The following PLCH2 variants were observed in gnomAD, a reference collection of about 807,000 sequenced individuals.
PLCH2 encodes the protein 1-phosphatidylinositol 4,5-bisphosphate phosphodiesterase eta-2.
A neutral mutation model predicts 134.7 loss-of-function variants in PLCH2; 98 were observed. The observed-to-expected ratio is 0.73, with a 90% confidence interval of 0.62 to 0.86. PLCH2 has a LOEUF of 0.86. PLCH2 is among the 40% of genes least tolerant of loss of function. The pLI, the probability that PLCH2 is intolerant of heterozygous loss-of-function variation, is 0.00. For missense variants in PLCH2, 1,994 were observed against 1,986.6 expected, an observed-to-expected ratio of 1.00 and a Z score of -0.07; for synonymous variants, 974 against 827.5, an observed-to-expected ratio of 1.18 and a Z score of -3.04.
At chr1:2,467,179 C>A (rs1641094570), upstream of PLCH2, among the ~76,000 whole-genome samples, 1 of 150,972 alleles carries the variant, frequency 6.6e-6, no homozygotes, top group Admixed American at 6.6e-5. Flanking sequence ...AGGAGCCCTG[C>A]CGGGAGGGAG....
At chr1:2,426,918 C>T (rs544818458) in intron 1 of PLCH2, among the ~76,000 whole-genome samples, 40 of 152,296 alleles carry the variant, frequency 2.6e-4, no homozygotes, top group South Asian at 2.1e-3. Flanking sequence ...TCCCTGCATC[C>T]GCTAAGTCCA....
intron 2 of PLCH2, among the ~76,000 whole-genome samples, chr1:2,437,781 C>A (rs1639500214): frequency 6.6e-6 from 1 of 152,220 alleles, no homozygotes; most frequent in African/African-American, 2.4e-5. Context: ...GTATACCCAC[C>A]CCCACACACA....
chr1:2,434,877 C>T (rs4648843), intron 2 of PLCH2, among the ~76,000 whole-genome samples: 21,593 of 152,190 alleles, frequency 0.14, 1,736 homozygotes, highest in Admixed American at 0.16. Context: ...CGTATGTCCT[C>T]GGGCGCCCAT....
In PLCH2 at chr1:2,504,003, C is replaced by T. The variant is rs1334490177; in HGVS notation, c.3041C>T (p.Pro1014Leu). The change falls in exon 22 of 22, where the codon CCT becomes CTT. Residue 1014 changes from proline to leucine, a missense_variant. Physicochemically the swap from Pro to Leu is moderately conservative, Grantham distance 98. Around this residue, in one of 2 missense-constraint regions of PLCH2, gnomAD observed 900 missense variants for 752.3 expected, o/e 1.20. Transcript: ENST00000378486. ...ETIAEEPAPG[P>L]GPPPPAAVPT... ...ATCGCTGAGGAGCCCGCCCCAGGCC[C>T]TGGTCCCCCGCCACCAGCGGCTGTC... 10 of 1,526,770 alleles carry T rather than the reference C, an allele frequency of 6.5e-6. No homozygotes were observed. Among genetic ancestry groups the T allele is most frequent in the South Asian group, 1.2e-5 (1 of 83,498 alleles). 94.6% of individuals were successfully genotyped at this position (1,526,770 alleles called of 1,614,324 possible). A position where few individuals can be genotyped will look rare whatever the true frequency, so the allele number is the denominator to read the frequency against.
upstream of PLCH2, among the ~76,000 whole-genome samples, chr1:2,464,914 C>T (rs1257144953): frequency 6.6e-6 from 1 of 152,206 alleles, no homozygotes; most frequent in Non-Finnish European, 1.5e-5. Flanking sequence ...AAGACGGGAC[C>T]CTCAGGCTCG....
intron 1 of PLCH2, among the ~76,000 whole-genome samples, chr1:2,427,001 C>T (rs1437850114): frequency 1.3e-5 from 2 of 152,222 alleles, no homozygotes; most frequent in Admixed American, 1.3e-4. Context: ...GCCAGTGGCC[C>T]CTGGCAGAGT....
intron 10 of PLCH2, 55 bp from the exon 11 acceptor site, chr1:2,491,137 C>T (rs1642554088): frequency 1.3e-6 from 2 of 1,545,142 alleles, no homozygotes; most frequent in African/African-American, 1.4e-5. Flanking sequence ...TTGTCATTGC[C>T]ACTACTCGCA....
intron 5 of PLCH2, among the ~76,000 whole-genome samples, chr1:2,486,425 C>A (rs1383991448): frequency 6.6e-6 from 1 of 152,200 alleles, no homozygotes; most frequent in African/African-American, 2.4e-5. Flanking sequence ...CCTGGAGGTC[C>A]CTTGGCCTGT....
chr1:2,434,719 A>G (rs1025027721), intron 2 of PLCH2, among the ~76,000 whole-genome samples: 1 of 152,184 alleles, frequency 6.6e-6, no homozygotes, highest in Non-Finnish European at 1.5e-5. Flanking sequence ...CAGCCGCACT[A>G]AAAGTGGGGA....
intron 5 of PLCH2, among the ~76,000 whole-genome samples, chr1:2,486,253 G>A (rs1000923914): frequency 3.3e-5 from 5 of 152,176 alleles, no homozygotes; most frequent in African/African-American, 9.7e-5. Context: ...TCCTCCAGCC[G>A]GCAACTGGTG....
chr1:2,450,472 T>C (rs1008190567), intron 2 of PLCH2, among the ~76,000 whole-genome samples: 5 of 150,902 alleles, frequency 3.3e-5, no homozygotes, highest in Non-Finnish European at 5.9e-5. Flanking sequence ...CAACTCGGCC[T>C]GCCTCCCTAT....
Position 2,498,659 on chromosome 1 carries a change from C to A in PLCH2, c.2349+12C>A, listed in dbSNP as rs1298507212. On this transcript the variant is annotated intron_variant, in intron 17 of 21. Coordinates refer to ENST00000378486, the MANE Select transcript of PLCH2 (RefSeq NM_014638.4). The surrounding 1 kb of genome is among the most constrained non-coding windows in gnomAD (Gnocchi z 5.4). ...GGGACCGTGGGGAGGTGGGGGCCAG[C>A]CCCACACAGGCGGGAGGGGTGGGAG... is the stretch of plus-strand genomic sequence containing the variant. 1 of 1,484,428 alleles carries A rather than the reference C, an allele frequency of 6.7e-7. No homozygotes were observed. Among genetic ancestry groups the A allele is most frequent in the Non-Finnish European group, 9.2e-7 (1 of 1,090,386 alleles). 92.0% of individuals were successfully genotyped at this position (1,484,428 alleles called of 1,614,324 possible).
chr1:2,465,956 C>T (rs1314732386), upstream of PLCH2, among the ~76,000 whole-genome samples: 1 of 152,232 alleles, frequency 6.6e-6, no homozygotes, highest in Admixed American at 6.5e-5. Flanking sequence ...TCTGTCTCCT[C>T]TCCCCACCTC....
chr1:2,433,552 G>A (rs1462781361), intron 2 of PLCH2, among the ~76,000 whole-genome samples: 2 of 152,192 alleles, frequency 1.3e-5, no homozygotes, highest in African/African-American at 2.4e-5. Flanking sequence ...AGGTGGGAAC[G>A]GTGTGTCCGC....
intron 11 of PLCH2, 138 bp from the exon 12 acceptor site, chr1:2,494,717 CT>C: frequency 1.5e-6 from 1 of 671,102 alleles, no homozygotes; most frequent in Non-Finnish European, 2.7e-6. Flanking sequence ...CTGCCCTCCC[CT>C]CCCGTCTGCC....
intron 2 of PLCH2, among the ~76,000 whole-genome samples, chr1:2,449,246 T>G (rs1228111609): frequency 2.0e-5 from 3 of 150,208 alleles, no homozygotes; most frequent in Non-Finnish European, 4.4e-5. Context: ...ATCCCAGCAC[T>G]TTGGGAGGCT....
At chr1:2,424,068 T>G (rs1381536617), upstream of PLCH2, among the ~76,000 whole-genome samples, 5 of 152,164 alleles carry the variant, frequency 3.3e-5, no homozygotes, top group African/African-American at 1.2e-4. Context: ...TAAATTTCAT[T>G]TTTAAAAGTA....
intron 2 of PLCH2, among the ~76,000 whole-genome samples, chr1:2,434,100 C>T (rs57608977): frequency 0.012 from 1,770 of 152,348 alleles, 43 homozygotes; most frequent in African/African-American, 0.04. Flanking sequence ...TTGGAGGCTG[C>T]GGGTCTCCCT....
At chr1:2,473,152 C>A (rs1210705326), upstream of PLCH2, among the ~76,000 whole-genome samples, 1 of 152,218 alleles carries the variant, frequency 6.6e-6, no homozygotes, top group Non-Finnish European at 1.5e-5. Context: ...TCAGCTGCCA[C>A]CCGCCCGGTT....
Sources: allele counts gnomAD v4.1 joint callset (sites outside exome capture counted in the v4.1 genomes callset), GRCh38; gene constraint gnomAD v4.1.1; regional missense constraint gnomAD v4.1.1; non-coding constraint Gnocchi (gnomAD v3.1); transcripts MANE v1.5; gene names NCBI Gene and HGNC (gene_info 2026-07-23, HGNC 2026-07-21).